BIRC6: variants seen among roughly 807,000 people sequenced by gnomAD.
BIRC6 encodes the protein dual E2 ubiquitin-conjugating enzyme/E3 ubiquitin-protein ligase BIRC6.
Under a neutral mutation model 503.3 loss-of-function variants are expected in BIRC6, and 98 were observed. That is an observed-to-expected ratio of 0.19 (90% CI 0.17 to 0.23). The LOEUF (loss-of-function observed/expected upper bound fraction) is 0.23. BIRC6 is among the 10% of genes least tolerant of loss of function. BIRC6 has a pLI of 1.00. For missense variants in BIRC6, 5,360 were observed against 5,806.0 expected, an observed-to-expected ratio of 0.92 and a Z score of 2.50; for synonymous variants, 2,240 against 2,078.7, an observed-to-expected ratio of 1.08 and a Z score of -2.11.
chr2:32,518,876 A>G lies in BIRC6; in HGVS notation c.11553A>G (p.Ala3851=), dbSNP rs761319959. The change falls in exon 57 of 74, where the codon GCA becomes GCG. Residue 3851 remains alanine, a synonymous_variant. Transcript: ENST00000421745. Reference sequence around the variant, plus strand: ...TCATCCAGCATCCAATGTATGGAGCAGGCCACAAATTCCGTACTCTTCATT... The same window carrying G: ...TCATCCAGCATCCAATGTATGGAGCGGGCCACAAATTCCGTACTCTTCATT... The part of the protein sequence containing the change: ...SHVIQHPMYG[A]GHKFRTLHLP... 3.7e-6 allele frequency: 6 copies of G among 1,613,708 alleles called. No individual in the cohort carries two copies. The highest frequency in any genetic ancestry group is 1.3e-5 in the African/African-American group (1 of 74,938).
chr2:32,517,016 T>C (rs902987776), intron 55 of BIRC6, among the ~76,000 whole-genome samples: 2 of 152,106 alleles, frequency 1.3e-5, no homozygotes, highest in Non-Finnish European at 2.9e-5. Flanking sequence ...TTATAAAATA[T>C]TGAAGGAGTT....
At chr2:32,606,685 G>GT (rs974240187) in intron 71 of BIRC6, among the ~76,000 whole-genome samples, 10 of 152,076 alleles carry the variant, frequency 6.6e-5, no homozygotes, top group Admixed American at 3.9e-4. Flanking sequence ...CTCAGGCATA[G>GT]TTTTTTTATA....
At chr2:32,516,916 A>G (rs2055112198) in intron 55 of BIRC6, among the ~76,000 whole-genome samples, 2 of 152,196 alleles carry the variant, frequency 1.3e-5, no homozygotes, top group Admixed American at 1.3e-4. Flanking sequence ...GATATGGTAG[A>G]CACTAGTAAA....
At chr2:32,586,423 CTTTTTTTTTTTT>C (rs972959083) in intron 66 of BIRC6, among the ~76,000 whole-genome samples, 30 of 70,982 alleles carry the variant, frequency 4.2e-4, no homozygotes, top group East Asian at 7.6e-4. Context: ...TCAAGCAGTC[CTTTTTTTTTTTT>C]TTTTTTTTTT....
At chr2:32,544,488 CTTCT>C (rs1412872713) in intron 62 of BIRC6, among the ~76,000 whole-genome samples, 39 of 143,774 alleles carry the variant, frequency 2.7e-4, no homozygotes, top group African/African-American at 5.6e-4. Context: ...TTTCTTTCTT[CTTCT>C]TTTTTTTTTT....
At chr2:32,421,610 G>GT (rs1321176246) in intron 10 of BIRC6, among the ~76,000 whole-genome samples, 1 of 152,116 alleles carries the variant, frequency 6.6e-6, no homozygotes, top group Non-Finnish European at 1.5e-5. Flanking sequence ...ATTTAAAAGT[G>GT]TTTTGTTTAG....
chr2:32,513,305 T>C (rs537360562), intron 54 of BIRC6, among the ~76,000 whole-genome samples, 151 bp downstream of exon 54: 7 of 152,362 alleles, frequency 4.6e-5, no homozygotes, highest in African/African-American at 1.7e-4. Context: ...AAATGAATTG[T>C]CAAATATTAA....
At chr2:32,594,983 AAT>A in intron 67 of BIRC6, 49 bp from the exon 68 acceptor site, 1 of 1,141,610 alleles carries the variant, frequency 8.8e-7, no homozygotes, top group Non-Finnish European at 1.2e-6. Context: ...TATTTTTTAA[AAT>A]ATATACTTAA....
At chr2:32,435,979 G>A (rs1266162306) in intron 14 of BIRC6, 74 bp from the exon 15 acceptor site, 13 of 879,304 alleles carry the variant, frequency 1.5e-5, no homozygotes, top group Non-Finnish European at 1.9e-5. Context: ...ATGTAAATGG[G>A]ATGATATTTG....
intron 32 of BIRC6, among the ~76,000 whole-genome samples, chr2:32,472,676 A>T (rs1008817444): frequency 6.6e-6 from 1 of 152,196 alleles, no homozygotes. Flanking sequence ...TTAGACAGTT[A>T]TGCGTTCTGA....
chr2:32,514,386 A>G (rs77417254), intron 54 of BIRC6, among the ~76,000 whole-genome samples: 8,477 of 152,278 alleles, frequency 0.056, 327 homozygotes, highest in Non-Finnish European at 0.089. Flanking sequence ...CCTTTTGACA[A>G]GTAGTTTTTA....
intron 35 of BIRC6, among the ~76,000 whole-genome samples, 179 bp downstream of exon 35, chr2:32,477,762 T>C (rs1432263283): frequency 2.0e-5 from 3 of 149,578 alleles, no homozygotes; most frequent in Non-Finnish European, 3.0e-5. Flanking sequence ...AAGTGACTTA[T>C]AGGTTAATTA....
At chr2:32,560,870 T>G (rs2059124194) in intron 65 of BIRC6, among the ~76,000 whole-genome samples, 1 of 152,012 alleles carries the variant, frequency 6.6e-6, no homozygotes, top group Non-Finnish European at 1.5e-5. Flanking sequence ...TGCCCGACTT[T>G]TTTTTTTTTA....
At chr2:32,384,901 A>G (rs183811589) in intron 3 of BIRC6, among the ~76,000 whole-genome samples, 8 of 152,208 alleles carry the variant, frequency 5.3e-5, no homozygotes, top group African/African-American at 1.7e-4. Flanking sequence ...CATATTTCAT[A>G]CGTATTTTTA....
chr2:32,541,045 TG>T (rs1441053913), intron 61 of BIRC6, among the ~76,000 whole-genome samples: 1 of 152,084 alleles, frequency 6.6e-6, no homozygotes, highest in East Asian at 1.9e-4. Flanking sequence ...TCTTTGATTT[TG>T]CTGTCTTTTT....
chr2:32,534,801 A>T (rs4435504), intron 61 of BIRC6, among the ~76,000 whole-genome samples: 14,650 of 150,216 alleles, frequency 0.098, 718 homozygotes, highest in Middle Eastern at 0.11. Context: ...AATGAGAAGA[A>T]CATAAGAGCT....
rs544628334 is a variant in BIRC6 at position 32,379,105 on chromosome 2, A to G, written c.508-1048A>G. The G allele has an allele frequency of 2.0e-5, 3 of 152,316 alleles. No homozygotes were observed. In the East Asian group the frequency reaches 5.8e-4, roughly 29 times the overall value. 9.4% of individuals were successfully genotyped at this position (152,316 alleles called of 1,614,324 possible). On this transcript the variant is annotated intron_variant, in intron 2 of 73. Coordinates refer to ENST00000421745, the MANE Select transcript of BIRC6 (RefSeq NM_016252.4). ...ATTTAGTGTCATATAACAGTAGTCT[A>G]TTATATGTTAATATTGAAAGCATGT...
chr2:32,391,906 A>G (rs2039280909), intron 4 of BIRC6, 133 bp from the exon 5 acceptor site: 1 of 588,434 alleles, frequency 1.7e-6, no homozygotes, highest in Non-Finnish European at 2.9e-6. Context: ...TAAAGTAAAA[A>G]ATTGAACTTG....
intron 1 of BIRC6, among the ~76,000 whole-genome samples, chr2:32,369,966 A>G (rs1192725072): frequency 6.4e-5 from 4 of 62,296 alleles, no homozygotes; most frequent in South Asian, 1.4e-3. Flanking sequence ...ATATATATAT[A>G]TATATATATA....
Sources: allele counts gnomAD v4.1 joint callset (sites outside exome capture counted in the v4.1 genomes callset), GRCh38; gene constraint gnomAD v4.1.1; transcripts MANE v1.5; gene names NCBI Gene and HGNC (gene_info 2026-07-23, HGNC 2026-07-21).